IL1RAPL1: variants seen among roughly 807,000 people sequenced by gnomAD.
IL1RAPL1 encodes interleukin 1 receptor accessory protein like 1, also known as interleukin-1 receptor accessory protein-like 1.
In IL1RAPL1, 3 loss-of-function variants were observed where a neutral mutation model predicts 48.4. The observed-to-expected ratio is 0.06, with a 90% CI of 0.03 to 0.16. The LOEUF is 0.16. Among genes scored for constraint, IL1RAPL1 ranks in the 10% least tolerant of loss-of-function variants. IL1RAPL1 has a pLI of 1.00. For missense variants in IL1RAPL1, 349 were observed against 530.6 expected, an observed-to-expected ratio of 0.66 and a Z score of 3.36; for synonymous variants, 185 against 187.7, an observed-to-expected ratio of 0.99 and a Z score of 0.12.
intron 6 of IL1RAPL1, among the ~76,000 whole-genome samples, chrX:29,798,890 C>T (rs754659955): frequency 7.1e-4 from 80 of 112,182 alleles, no homozygotes; most frequent in African/African-American, 2.5e-3. Flanking sequence ...CACAGAACAG[C>T]TTGTTTGATA....
At chrX:29,835,898 T>TAGTTTTTTTTTTTTTTTTTTTTTTTTTTC (rs1930988787) in intron 6 of IL1RAPL1, among the ~76,000 whole-genome samples, 1 of 101,623 alleles carries the variant, frequency 9.8e-6, no homozygotes, top group African/African-American at 3.8e-5. Flanking sequence ...TTTTTTTTTT[T>TAGTTTTTTTTTTTTTTTTTTTTTTTTTTC]AGTTAGTTAG....
chrX:29,860,015 CTCTATT>C (rs1299055171), intron 6 of IL1RAPL1, among the ~76,000 whole-genome samples: 1 of 111,390 alleles, frequency 9.0e-6, no homozygotes, highest in Non-Finnish European at 1.9e-5. Context: ...ACTTTATAAA[CTCTATT>C]TCTAACAAAG....
At chrX:29,382,281 T>G (rs1179095891) in intron 3 of IL1RAPL1, among the ~76,000 whole-genome samples, 1 of 112,101 alleles carries the variant, frequency 8.9e-6, no homozygotes. Flanking sequence ...TCTATTTTCT[T>G]GCTATTATCA....
At chrX:29,505,286 C>A (rs1482622026) in intron 5 of IL1RAPL1, among the ~76,000 whole-genome samples, 1 of 111,302 alleles carries the variant, frequency 9.0e-6, no homozygotes, top group Admixed American at 9.5e-5. Context: ...GGTTTACACA[C>A]CAAAATTACA....
At chrX:29,498,052 C>T (rs926152362) in intron 5 of IL1RAPL1, among the ~76,000 whole-genome samples, 6 of 112,238 alleles carry the variant, frequency 5.3e-5, no homozygotes, top group Non-Finnish European at 1.1e-4. Flanking sequence ...TTACTTGGCA[C>T]GCAATAAGGT....
Position 29,816,882 on chromosome X carries a change from C to G in IL1RAPL1, c.779-100582C>G, listed in dbSNP as rs1243039708. Among the ~76,000 whole-genome samples the G allele has an allele frequency of 2.7e-5, 3 of 110,111 alleles. No individual in the cohort carries two copies. The East Asian group carries it at 8.5e-4, about 31-fold the overall frequency. On this transcript the variant is annotated intron_variant, in intron 6 of 10. Coordinates refer to ENST00000378993, the MANE Select transcript of IL1RAPL1 (RefSeq NM_014271.4). The stretch of plus-strand genomic sequence containing the variant: ...TGTAAAAGATGTTCTGCAGTAGCCT[C>G]TATGTAAATATCGTTTATCCCTCTG...
At chrX:29,868,776 TCA>T (rs1266853079) in intron 6 of IL1RAPL1, among the ~76,000 whole-genome samples, 1 of 112,399 alleles carries the variant, frequency 8.9e-6, no homozygotes, top group Non-Finnish European at 1.9e-5. Flanking sequence ...CTCTGACTTT[TCA>T]CAAACATTAA....
intron 2 of IL1RAPL1, among the ~76,000 whole-genome samples, chrX:28,863,275 A>G (rs1184671727): frequency 9.0e-6 from 1 of 111,092 alleles, no homozygotes; most frequent in Non-Finnish European, 1.9e-5. Flanking sequence ...GCCGCATAGT[A>G]TCTCTTGCAA....
At chrX:28,982,169 A>G (rs1925359090) in intron 2 of IL1RAPL1, among the ~76,000 whole-genome samples, 1 of 112,009 alleles carries the variant, frequency 8.9e-6, no homozygotes, top group Non-Finnish European at 1.9e-5. Context: ...TAAAGACAAC[A>G]CTTTCAGTGT....
chrX:29,617,231 T>C (rs1446531493), intron 5 of IL1RAPL1, among the ~76,000 whole-genome samples: 1 of 112,493 alleles, frequency 8.9e-6, no homozygotes, highest in Non-Finnish European at 1.9e-5. Context: ...TTCTGGATAA[T>C]GATTTCTTAA....
intron 2 of IL1RAPL1, among the ~76,000 whole-genome samples, chrX:29,222,746 C>T (rs771403290): frequency 9.0e-6 from 1 of 110,859 alleles, no homozygotes. Context: ...AGGATTTTGC[C>T]CTGAATGAGA....
intron 2 of IL1RAPL1, among the ~76,000 whole-genome samples, chrX:29,273,032 G>T (rs1349753038): frequency 9.0e-6 from 1 of 111,590 alleles, no homozygotes; most frequent in African/African-American, 3.3e-5. Flanking sequence ...CAGCTCCTGT[G>T]TCTTTTTATT....
rs183490888 is a variant in IL1RAPL1 at position 28,826,672 on chromosome X, A to G, written c.82+37247A>G. Among the ~76,000 whole-genome samples, 320 of 111,206 alleles carry G rather than the reference A, an allele frequency of 2.9e-3. 2 individuals are homozygous for G. Among genetic ancestry groups the G allele is most frequent in the African/African-American group, 0.01 (313 of 30,728 alleles). On this transcript the variant is annotated intron_variant, in intron 2 of 10. Transcript: ENST00000378993. The stretch of plus-strand genomic sequence containing the variant: ...TGTTCTTATGGGAAGGTTATATTGT[A>G]TTTTAAAACATGAAAATACCAGAAC...
chrX:29,174,901 C>G (rs1283446400), intron 2 of IL1RAPL1, among the ~76,000 whole-genome samples: 1 of 109,891 alleles, frequency 9.1e-6, no homozygotes, highest in East Asian at 2.9e-4. Flanking sequence ...AGTGAAACCC[C>G]GTCTCTACTA....
intron 2 of IL1RAPL1, among the ~76,000 whole-genome samples, chrX:29,252,223 A>T (rs1931645497): frequency 8.9e-6 from 1 of 112,384 alleles, no homozygotes; most frequent in Admixed American, 9.2e-5. Context: ...TATGTAACTA[A>T]CCTGCACATT....
intron 6 of IL1RAPL1, among the ~76,000 whole-genome samples, chrX:29,712,279 C>T (rs1927373012): frequency 9.1e-6 from 1 of 109,725 alleles, no homozygotes; most frequent in African/African-American, 3.3e-5. Flanking sequence ...AGAAAATTTT[C>T]ACTCAAATGA....
At chrX:29,065,814 G>A (rs920356887) in intron 2 of IL1RAPL1, among the ~76,000 whole-genome samples, 11 of 111,453 alleles carry the variant, frequency 9.9e-5, no homozygotes, top group Non-Finnish European at 2.1e-4. Flanking sequence ...AGCCCTTCTA[G>A]CAAATTGTTA....
chrX:29,937,550 G>A (rs1426480792), intron 8 of IL1RAPL1, among the ~76,000 whole-genome samples: 3 of 112,013 alleles, frequency 2.7e-5, no homozygotes, highest in Non-Finnish European at 5.6e-5. Flanking sequence ...TAAATCTAAT[G>A]CACAATTTTC....
intron 2 of IL1RAPL1, among the ~76,000 whole-genome samples, chrX:28,962,989 T>C (rs1924826119): frequency 9.1e-6 from 1 of 110,393 alleles, no homozygotes; most frequent in African/African-American, 3.3e-5. Flanking sequence ...TTCATGATTT[T>C]GATAACTCCC....
Sources: allele counts gnomAD v4.1 joint callset (sites outside exome capture counted in the v4.1 genomes callset), GRCh38; gene constraint gnomAD v4.1.1; transcripts MANE v1.5; gene names NCBI Gene and HGNC (gene_info 2026-07-23, HGNC 2026-07-21).